Variants in GBP6 observed in about 807,000 individuals in gnomAD.
GBP6 encodes the protein guanylate-binding protein 6.
GBP6 carries 54 observed loss-of-function variants against 61.5 expected under a neutral mutation model. That is an observed-to-expected ratio of 0.88 (90% CI 0.71 to 1.10). GBP6 has a LOEUF of 1.10. Among genes scored for constraint, GBP6 ranks in the 50% least tolerant of loss-of-function variants. The probability of loss-of-function intolerance (pLI) is 0.00; values close to 1 mark genes in which losing one functional copy is unlikely to be tolerated. For synonymous variants in GBP6, 255 were observed against 273.7 expected (o/e 0.93, Z 0.67); for missense variants, 748 against 752.8 (o/e 0.99, Z 0.07).
rs542983493 is a variant in GBP6 at position 89,375,597 on chromosome 1, A to G, written c.319-2506A>G. Among the ~76,000 whole-genome samples the G allele has an allele frequency of 3.8e-5, 4 of 104,078 alleles. No homozygotes were observed. The Admixed American group carries it at 3.9e-4, about 10-fold the overall frequency. 68.3% of individuals were successfully genotyped at this position (104,078 alleles called of 152,430 possible). ...CACCTTTGCTCATTTTTAATGAGGT[A>G]TAAGGATTTTTTTTTGCTATTGAGT... On this transcript the variant is annotated intron_variant, in intron 3 of 10. Coordinates refer to ENST00000370456, the MANE Select transcript of GBP6 (RefSeq NM_198460.3).
chr1:89,385,205 A>T (rs891365905), intron 10 of GBP6, 25 bp from the exon 11 acceptor site: 1 of 1,583,930 alleles, frequency 6.3e-7, no homozygotes, highest in Non-Finnish European at 8.6e-7. Context: ...TTAAAAATTT[A>T]CTTTCCTTCC....
chr1:89,378,207 G>A lies in GBP6; in HGVS notation c.423G>A (p.Gln141=), dbSNP rs1247673115. Residue 141 remains glutamine (Q), a synonymous_variant, in exon 4 of 11, where the codon CAG becomes CAA. Transcript: ENST00000370456. ...CCATCAACCACCAGGCCCTGGAGCA[G>A]CTGCAGTATCCTTCCAGGAACAGAA... ...MSTINHQALE[Q]LHYVTELTEL... The A allele has an allele frequency of 1.2e-6, 2 of 1,609,230 alleles. No homozygotes were observed. Among genetic ancestry groups the A allele is most frequent in the African/African-American group, 1.3e-5 (1 of 74,562 alleles).
At chr1:89,374,506 A>G (rs1194105724) in intron 3 of GBP6, among the ~76,000 whole-genome samples, 2 of 152,178 alleles carry the variant, frequency 1.3e-5, no homozygotes, top group Non-Finnish European at 2.9e-5. Flanking sequence ...AGGGACCTCC[A>G]TACTTTTTCC....
At chr1:89,371,505 C>T (rs1406886873) in intron 3 of GBP6, among the ~76,000 whole-genome samples, 6 of 152,116 alleles carry the variant, frequency 3.9e-5, no homozygotes, top group Non-Finnish European at 8.8e-5. Context: ...AAGGCTGGTT[C>T]AACATATGCA....
Position 89,369,627 on chromosome 1 carries a change from A to T in GBP6, c.272A>T (p.His91Leu), listed in dbSNP as rs1652567426. 4 of 1,614,040 alleles carry T rather than the reference A, an allele frequency of 2.5e-6. No homozygotes were observed. The highest frequency in any genetic ancestry group is 2.5e-6 in the Non-Finnish European group (3 of 1,179,956). Residue 91 changes from histidine to leucine, a missense_variant, in exon 3 of 11, where the codon CAC becomes CTC. His to Leu is a moderately conservative substitution (Grantham distance 99). Transcript: ENST00000370456. ...GTGCCCCACCCATCCAAGCCAAACCACACCCTGGTCCTTCTGGACACCGAA... is the reference window on the plus strand; with the variant it reads ...GTGCCCCACCCATCCAAGCCAAACCTCACCCTGGTCCTTCTGGACACCGAA... ...WCVPHPSKPN[H>L]TLVLLDTEGL...
At chr1:89,380,934 G>A (rs1313655810) in intron 6 of GBP6, among the ~76,000 whole-genome samples, 1 of 152,024 alleles carries the variant, frequency 6.6e-6, no homozygotes, top group Admixed American at 6.5e-5. Context: ...TATTTTCTAA[G>A]TCCTATGTGT....
intron 9 of GBP6, 73 bp from the exon 10 acceptor site, chr1:89,384,020 G>A: frequency 7.1e-7 from 1 of 1,406,272 alleles, no homozygotes; most frequent in Non-Finnish European, 9.6e-7. Context: ...ATTTGGTTTA[G>A]TCTCAGCTCA....
At chr1:89,381,596 G>A (rs1326714441) in intron 6 of GBP6, 98 bp from the exon 7 acceptor site, 14 of 1,188,260 alleles carry the variant, frequency 1.2e-5, no homozygotes, top group African/African-American at 4.6e-5. Flanking sequence ...GTGTGCACGC[G>A]CGTGTATGTA....
At chr1:89,373,910 A>G (rs1652722608) in intron 3 of GBP6, among the ~76,000 whole-genome samples, 1 of 152,084 alleles carries the variant, frequency 6.6e-6, no homozygotes, top group African/African-American at 2.4e-5. Context: ...CTTGAATTGT[A>G]GTTCCCATAA....
chr1:89,384,262 T>G lies in GBP6; in HGVS notation c.1638T>G (p.Ile546Met). Residue 546 changes from isoleucine to methionine, a missense_variant, in exon 10 of 11, where the codon ATT becomes ATG. By Grantham distance (10) the Ile-to-Met change is conservative. Transcript: ENST00000370456. Reference sequence around the variant, plus strand: ...GAGAACACCTACTGAGAGAGCAGATTATGATGTTGGAGCACACGCAGAAGG... The same window carrying G: ...GAGAACACCTACTGAGAGAGCAGATGATGATGTTGGAGCACACGCAGAAGG... Reference protein sequence around the residue: ...MEREHLLREQIMMLEHTQKVQ... With the variant: ...MEREHLLREQMMMLEHTQKVQ... 1.9e-6 allele frequency: 3 copies of G among 1,613,318 alleles called. No individual in the cohort carries two copies. Among genetic ancestry groups the G allele is most frequent in the East Asian group, 2.2e-5 (1 of 44,856 alleles).
intron 3 of GBP6, among the ~76,000 whole-genome samples, chr1:89,376,002 T>G (rs1474724307): frequency 6.6e-6 from 1 of 152,178 alleles, no homozygotes; most frequent in Non-Finnish European, 1.5e-5. Context: ...TTTCTACTGC[T>G]ATGAGTTCAA....
At chr1:89,375,380 T>C (rs184137237) in intron 3 of GBP6, among the ~76,000 whole-genome samples, 2 of 152,272 alleles carry the variant, frequency 1.3e-5, no homozygotes, top group African/African-American at 2.4e-5. Flanking sequence ...CAGATACTGG[T>C]GAGGCTGTGG....
chr1:89,370,272 T>G (rs1162018689), intron 3 of GBP6, among the ~76,000 whole-genome samples: 3 of 152,174 alleles, frequency 2.0e-5, no homozygotes, highest in African/African-American at 7.2e-5. Flanking sequence ...AGTGCTTTGA[T>G]AAGAAAGAGA....
At chr1:89,375,616 A>G (rs1292158592) in intron 3 of GBP6, among the ~76,000 whole-genome samples, 1 of 151,354 alleles carries the variant, frequency 6.6e-6, no homozygotes, top group South Asian at 2.1e-4. Context: ...TTTTTTTGCT[A>G]TTGAGTTATA....
chr1:89,373,445 G>T (rs1652703175), intron 3 of GBP6, among the ~76,000 whole-genome samples: 2 of 152,162 alleles, frequency 1.3e-5, no homozygotes, highest in African/African-American at 2.4e-5. Context: ...ACTGGATTAA[G>T]AAAATGTGGC....
chr1:89,387,287 G>A lies in GBP6; in HGVS notation c.*1818G>A, dbSNP rs1653169382. Among the ~76,000 whole-genome samples, 1 of 152,118 alleles carries A rather than the reference G, an allele frequency of 6.6e-6. No homozygotes were observed. Among genetic ancestry groups the A allele is most frequent in the Non-Finnish European group, 1.5e-5 (1 of 68,020 alleles). ...AAGGACCCTTGGAATCAGGATCCAA[G>A]TTGCCCATGGTACCTAGATCATGGA... On this transcript the variant is annotated 3_prime_UTR_variant, in exon 11 of 11. Transcript: ENST00000370456.
At chr1:89,364,451 A>C (rs1395325640) in intron 1 of GBP6, among the ~76,000 whole-genome samples, 1 of 152,218 alleles carries the variant, frequency 6.6e-6, no homozygotes, top group Non-Finnish European at 1.5e-5. Context: ...GAGAACAAGG[A>C]GCTTCCAGGC....
chr1:89,378,505 T>C lies in GBP6; in HGVS notation c.517T>C (p.Phe173Leu). 1 of 1,614,168 alleles carries C rather than the reference T, an allele frequency of 6.2e-7. No individual in the cohort carries two copies. The highest frequency in any genetic ancestry group is 8.5e-7 in the Non-Finnish European group (1 of 1,179,984). Residue 173 changes from phenylalanine (F) to leucine (L), a missense_variant, in exon 5 of 11, where the codon TTC becomes CTC. Physicochemically the swap from Phe to Leu is conservative, Grantham distance 22. Coordinates refer to ENST00000370456, the MANE Select transcript of GBP6 (RefSeq NM_198460.3). ...VEDSTEFVSF[F>L]PDFLWTVRDF... The stretch of plus-strand genomic sequence containing the variant: ...AGATTCCACAGAGTTTGTGAGTTTC[T>C]TCCCAGACTTTCTTTGGACAGTACG...
In GBP6 at chr1:89,365,914, G is replaced by A. The variant is rs537644877; in HGVS notation, c.-24+1787G>A. ...ATCAATTCTAAACTGAGTATTTGAG[G>A]CATTTGAAGACAATATTATGTTTAC... On this transcript the variant is annotated intron_variant, in intron 1 of 10. Coordinates refer to ENST00000370456, the MANE Select transcript of GBP6 (RefSeq NM_198460.3). 2.6e-5 allele frequency among the ~76,000 whole-genome samples: 4 copies of A among 152,196 alleles called. No individual in the cohort carries two copies. In the South Asian group the frequency reaches 8.3e-4, roughly 31 times the overall value.
Sources: allele counts gnomAD v4.1 joint callset (sites outside exome capture counted in the v4.1 genomes callset), GRCh38; gene constraint gnomAD v4.1.1; transcripts MANE v1.5; gene names NCBI Gene and HGNC (gene_info 2026-07-23, HGNC 2026-07-21).